PCDHGA9: variants seen among roughly 807,000 people sequenced by gnomAD.
The protein encoded by PCDHGA9 is protocadherin gamma subfamily A, 9, also known as protocadherin gamma-A9.
In PCDHGA9, 37 loss-of-function variants were observed where a neutral mutation model predicts 62.5. The ratio of observed to expected loss-of-function variants is 0.59; its 90% confidence interval spans 0.46 to 0.78. The LOEUF (loss-of-function observed/expected upper bound fraction) is 0.78. PCDHGA9 is among the 30% of genes least tolerant of loss of function. PCDHGA9 has a pLI of 0.00. For synonymous variants in PCDHGA9, 459 were observed against 484.6 expected, an observed-to-expected ratio of 0.95 and a Z score of 0.69; for missense variants, 1,138 against 1,166.2, an observed-to-expected ratio of 0.98 and a Z score of 0.35.
intron 1 of PCDHGA9, chr5:141,441,667 A>C: frequency 3.7e-6 from 1 of 267,984 alleles, no homozygotes; most frequent in Non-Finnish European, 7.4e-6. Flanking sequence ...TTGAGCGCAC[A>C]GTGCGCCTTC....
chr5:141,476,053 A>G lies in PCDHGA9; in HGVS notation c.2425-18754A>G. 2 of 1,501,944 alleles carry G rather than the reference A, an allele frequency of 1.3e-6. No homozygotes were observed. Among genetic ancestry groups the G allele is most frequent in the Non-Finnish European group, 1.8e-6 (2 of 1,131,392 alleles). 93.0% of individuals were successfully genotyped at this position (1,501,944 alleles called of 1,614,324 possible). ...CAGCGCCCAAGCGCTAACCCGCTGA[A>G]AGTTTCTCAGCGAAATCTCAGGGAC... On this transcript the variant is annotated intron_variant, in intron 1 of 3. Coordinates refer to ENST00000573521, the MANE Select transcript of PCDHGA9 (RefSeq NM_018921.3). The surrounding 1 kb of genome is among the most constrained non-coding windows in gnomAD (Gnocchi z 7.6).
intron 1 of PCDHGA9, among the ~76,000 whole-genome samples, chr5:141,435,604 A>T (rs1361568996): frequency 6.6e-6 from 1 of 152,180 alleles, no homozygotes. Flanking sequence ...CCTGCTTTTT[A>T]CATTAAATTC....
rs1263406836 is a variant in PCDHGA9 at position 141,491,918 on chromosome 5, G to A, written c.2425-2889G>A. On this transcript the variant is annotated intron_variant, in intron 1 of 3. Coordinates refer to ENST00000573521, the MANE Select transcript of PCDHGA9 (RefSeq NM_018921.3). The surrounding 1 kb of genome is among the most constrained non-coding windows in gnomAD (Gnocchi z 6.9). ...GCACCGGGGGTGGTGGCGACTGTGGGCGAGGGGAGGTGGGACCGACCCCCA... is the reference window on the plus strand; with the variant it reads ...GCACCGGGGGTGGTGGCGACTGTGGACGAGGGGAGGTGGGACCGACCCCCA... 2 of 1,371,698 alleles carry A rather than the reference G, an allele frequency of 1.5e-6. No homozygotes were observed. Among genetic ancestry groups the A allele is most frequent in the Non-Finnish European group, 1.9e-6 (2 of 1,028,962 alleles). 85.0% of individuals were successfully genotyped at this position (1,371,698 alleles called of 1,614,324 possible).
rs755093164 is a variant in PCDHGA9, at chr5:141,485,516, G to C, written c.2425-9291G>C. On this transcript the variant is annotated intron_variant, in intron 1 of 3. Coordinates refer to ENST00000573521, the MANE Select transcript of PCDHGA9 (RefSeq NM_018921.3). The surrounding 1 kb of genome is among the most constrained non-coding windows in gnomAD (Gnocchi z 5.7). Reference sequence around the variant, plus strand: ...GGAGTTTGTCACCGAAGGTCCTTTGGAAATGTACCGAGCAGAGGTAGAGAT... The same window carrying C: ...GGAGTTTGTCACCGAAGGTCCTTTGCAAATGTACCGAGCAGAGGTAGAGAT... 1 of 1,614,172 alleles carries C rather than the reference G, an allele frequency of 6.2e-7. No individual in the cohort carries two copies.
In PCDHGA9 at chr5:141,476,208, C is replaced by A. The variant is rs1266601125; in HGVS notation, c.2425-18599C>A. 1.2e-6 allele frequency: 2 copies of A among 1,613,912 alleles called. No homozygotes were observed. Among genetic ancestry groups the A allele is most frequent in the East Asian group, 4.5e-5 (2 of 44,826 alleles). On this transcript the variant is annotated intron_variant, in intron 1 of 3. Coordinates refer to ENST00000573521, the MANE Select transcript of PCDHGA9 (RefSeq NM_018921.3). The surrounding 1 kb of genome is among the most constrained non-coding windows in gnomAD (Gnocchi z 7.6). ...CTTGGTGCCTTGAACAAGGCTTCCA[C>A]GGTCATTCACTATGAGATCCCGGAG...
Position 141,403,661 on chromosome 5 carries a change from G to C in PCDHGA9, c.709G>C (p.Asp237His), listed in dbSNP as rs2094439419. Residue 237 changes from aspartate (D) to histidine (H), a missense_variant, in exon 1 of 4, where the codon GAT becomes CAT. Physicochemically the swap from Asp to His is moderately conservative, Grantham distance 81. Transcript: ENST00000573521. ...RIHVTVLDTNDNAPVFAQRIY... is the reference protein window; with the variant it reads ...RIHVTVLDTNHNAPVFAQRIY... Reference sequence around the variant, plus strand: ...CCATGTGACAGTGTTGGATACAAATGATAATGCCCCGGTTTTTGCTCAACG... The same window carrying C: ...CCATGTGACAGTGTTGGATACAAATCATAATGCCCCGGTTTTTGCTCAACG... 6.2e-7 allele frequency: 1 copy of C among 1,613,904 alleles called. No homozygotes were observed. The highest frequency in any genetic ancestry group is 8.5e-7 in the Non-Finnish European group (1 of 1,179,882).
chr5:141,465,995 A>C lies in PCDHGA9; in HGVS notation c.2425-28812A>C, dbSNP rs551920109. On this transcript the variant is annotated intron_variant, in intron 1 of 3. Coordinates refer to ENST00000573521, the MANE Select transcript of PCDHGA9 (RefSeq NM_018921.3). ...AAATTAGCCGGGCATGGTGGCAGGC[A>C]CCTGTAGTCCCAGCTACTCGGGAGG... Among the ~76,000 whole-genome samples the C allele has an allele frequency of 1.3e-4, 20 of 151,982 alleles. No homozygotes were observed. In the South Asian group the frequency reaches 4.2e-3, roughly 32 times the overall value.
At chr5:141,443,820 T>A (rs1329478151) in intron 1 of PCDHGA9, among the ~76,000 whole-genome samples, 1 of 151,986 alleles carries the variant, frequency 6.6e-6, no homozygotes, top group Non-Finnish European at 1.5e-5. Context: ...TTGGAAAACA[T>A]AATTAGGTAA....
At chr5:141,430,948 A>C (rs753305931) in intron 1 of PCDHGA9, 47 of 1,609,938 alleles carry the variant, frequency 2.9e-5, no homozygotes, top group Non-Finnish European at 4.0e-5. Context: ...CGGAGCGCGG[A>C]GTCCGCATCA....
At position 141,431,848 on chromosome 5, in the gene PCDHGA9, G is replaced by A. The variant is rs747401379; in HGVS notation, c.2424+26472G>A. 11 of 1,614,142 alleles carry A rather than the reference G, an allele frequency of 6.8e-6. No homozygotes were observed. The highest frequency in any genetic ancestry group is 2.2e-5 in the East Asian group (1 of 44,906). On this transcript the variant is annotated intron_variant, in intron 1 of 3. Coordinates refer to ENST00000573521, the MANE Select transcript of PCDHGA9 (RefSeq NM_018921.3). The surrounding 1 kb of genome is among the most constrained non-coding windows in gnomAD (Gnocchi z 4.8). ...CGGTTCCCGAAAACTCTCCCAGAGGGACATTAATTGCCCTTTTAAATGTAA... is the reference window on the plus strand; with the variant it reads ...CGGTTCCCGAAAACTCTCCCAGAGGAACATTAATTGCCCTTTTAAATGTAA...
At chr5:141,415,589 T>A in intron 1 of PCDHGA9, 1 of 1,614,062 alleles carries the variant, frequency 6.2e-7, no homozygotes, top group East Asian at 2.2e-5. Flanking sequence ...AAGTTTCCTA[T>A]AGAGGATACC....
chr5:141,423,750 T>TGGG lies in PCDHGA9; in HGVS notation c.2424+18382_2424+18384dup, dbSNP rs144521096. 4.7e-3 allele frequency: 1,348 copies of TGGG among 288,070 alleles called. 1 individual carries two copies. The highest frequency in any genetic ancestry group is 5.4e-3 in the Non-Finnish European group (1,192 of 221,408). 17.8% of individuals were successfully genotyped at this position (288,070 alleles called of 1,614,324 possible). A position where few individuals can be genotyped will look rare whatever the true frequency, so the allele number is the denominator to read the frequency against. ...TTTTGAGCCTGTTATGAAAACTGTT[T>TGGG]GGGGGGGGGGTGGGGCGGCATATAT... is the stretch of plus-strand genomic sequence containing the variant. On this transcript the variant is annotated intron_variant, in intron 1 of 3. Coordinates refer to ENST00000573521, the MANE Select transcript of PCDHGA9 (RefSeq NM_018921.3).
chr5:141,511,485 C>T lies in PCDHGA9; in HGVS notation c.*312C>T, dbSNP rs1324849800. 1.8e-5 allele frequency: 8 copies of T among 453,300 alleles called. No individual in the cohort carries two copies. The highest frequency in any genetic ancestry group is 1.2e-4 in the African/African-American group (6 of 50,332). The allele number at this position is 453,300 out of a possible 1,614,324, so 28.1% of individuals were successfully genotyped here. A position where few individuals can be genotyped will look rare whatever the true frequency, so the allele number is the denominator to read the frequency against. On this transcript the variant is annotated 3_prime_UTR_variant, in exon 4 of 4. Coordinates refer to ENST00000573521, the MANE Select transcript of PCDHGA9 (RefSeq NM_018921.3). Reference sequence around the variant, plus strand: ...ACCCCGTTTAGTTACAGCTGAACTCCTCCATCTTCCAAATCAATCAGGCCC... The same window carrying T: ...ACCCCGTTTAGTTACAGCTGAACTCTTCCATCTTCCAAATCAATCAGGCCC...
In PCDHGA9 at chr5:141,422,057, A is replaced by T. The variant is rs1356083259; in HGVS notation, c.2424+16681A>T. 3.1e-6 allele frequency: 5 copies of T among 1,611,974 alleles called. No individual in the cohort carries two copies. The South Asian group carries it at 5.5e-5, about 18-fold the overall frequency. On this transcript the variant is annotated intron_variant, in intron 1 of 3. Transcript: ENST00000573521. The stretch of plus-strand genomic sequence containing the variant: ...GATCCAGACGAGGGAATCAACGGGG[A>T]AGTAATGTATTCATTTCGGAACATG...
intron 1 of PCDHGA9, among the ~76,000 whole-genome samples, chr5:141,460,369 T>C (rs1048970945): frequency 2.1e-4 from 32 of 152,322 alleles, no homozygotes; most frequent in African/African-American, 7.7e-4. Flanking sequence ...AGTTTTATAG[T>C]TTTACCATTT....
chr5:141,489,287 T>C lies in PCDHGA9; in HGVS notation c.2425-5520T>C. 1 of 1,573,410 alleles carries C rather than the reference T, an allele frequency of 6.4e-7. No individual in the cohort carries two copies. Among genetic ancestry groups the C allele is most frequent in the Non-Finnish European group, 8.6e-7 (1 of 1,159,858 alleles). ...CAGCTCGCTGGGAAATGGCAAGTGC[T>C]GTGCATGTTGTCCTTGTGCTGCTGG... On this transcript the variant is annotated intron_variant, in intron 1 of 3. Transcript: ENST00000573521. The surrounding 1 kb of genome is among the most constrained non-coding windows in gnomAD (Gnocchi z 4.5).
intron 1 of PCDHGA9, among the ~76,000 whole-genome samples, chr5:141,457,694 C>G (rs891323419): frequency 6.6e-6 from 1 of 152,214 alleles, no homozygotes; most frequent in Non-Finnish European, 1.5e-5. Flanking sequence ...TTTGGATTGG[C>G]TTTGATGAAA....
chr5:141,507,796 G>GGGAA (rs2099863457), intron 3 of PCDHGA9, among the ~76,000 whole-genome samples: 1 of 152,220 alleles, frequency 6.6e-6, no homozygotes, highest in Admixed American at 6.5e-5. Flanking sequence ...GTCTAAGCCT[G>GGGAA]CGCCCTGGGG....
intron 3 of PCDHGA9, among the ~76,000 whole-genome samples, chr5:141,508,792 CT>C (rs1475631459): frequency 6.6e-6 from 1 of 152,130 alleles, no homozygotes; most frequent in Non-Finnish European, 1.5e-5. Flanking sequence ...CTAAATCACT[CT>C]GGAATCCTGG....
Sources: allele counts gnomAD v4.1 joint callset (sites outside exome capture counted in the v4.1 genomes callset), GRCh38; gene constraint gnomAD v4.1.1; non-coding constraint Gnocchi (gnomAD v3.1); transcripts MANE v1.5; gene names NCBI Gene and HGNC (gene_info 2026-07-23, HGNC 2026-07-21).